The following SHROOM3 variants were observed in gnomAD, a reference collection of about 807,000 sequenced individuals.
The protein encoded by SHROOM3 is shroom family member 3.
A neutral mutation model predicts 138.6 loss-of-function variants in SHROOM3; 47 were observed. That is an observed-to-expected ratio of 0.34 (90% CI 0.27 to 0.43). The LOEUF is 0.43. SHROOM3 is among the 20% of genes least tolerant of loss of function. The probability of loss-of-function intolerance (pLI) is 1.00; values close to 1 mark genes in which losing one functional copy is unlikely to be tolerated. For synonymous variants in SHROOM3, 1,062 were observed against 1,063.3 expected, an observed-to-expected ratio of 1.00 and a Z score of 0.02; for missense variants, 2,491 against 2,596.5, an observed-to-expected ratio of 0.96 and a Z score of 0.88.
chr4:76,438,326 G>A (rs1730601328), intron 1 of SHROOM3, among the ~76,000 whole-genome samples: 1 of 152,180 alleles, frequency 6.6e-6, no homozygotes. Flanking sequence ...TCAGTAAGAA[G>A]CAGGGAAGAG....
At chr4:76,628,130 A>C (rs1191868960) in intron 2 of SHROOM3, among the ~76,000 whole-genome samples, 1 of 152,248 alleles carries the variant, frequency 6.6e-6, no homozygotes, top group Non-Finnish European at 1.5e-5. Flanking sequence ...AAAGAAACCT[A>C]GAAATGGCTT....
At chr4:76,534,342 A>G (rs1219127939) in intron 1 of SHROOM3, among the ~76,000 whole-genome samples, 5 of 152,230 alleles carry the variant, frequency 3.3e-5, no homozygotes, top group Non-Finnish European at 5.9e-5. Flanking sequence ...GAAACCCCCA[A>G]GTCCAAACAT....
rs1277096826 is a variant in SHROOM3, at chr4:76,676,802, A to G, written c.324-33354A>G. Among the ~76,000 whole-genome samples the G allele has an allele frequency of 2.0e-5, 3 of 152,038 alleles. No homozygotes were observed. In the East Asian group the frequency reaches 5.8e-4, roughly 29 times the overall value. ...ACTAAAAATACAAAAAATTAGCCGG[A>G]CATGATGGCCGGCGCCTGTAGTCCC... On this transcript the variant is annotated intron_variant, in intron 2 of 10. Coordinates refer to ENST00000296043, the MANE Select transcript of SHROOM3 (RefSeq NM_020859.4).
intron 2 of SHROOM3, among the ~76,000 whole-genome samples, chr4:76,682,848 A>T (rs1298281884): frequency 6.6e-6 from 1 of 152,242 alleles, no homozygotes; most frequent in Non-Finnish European, 1.5e-5. Context: ...AGAAAAGGGT[A>T]TAATGTGGTT....
intron 1 of SHROOM3, among the ~76,000 whole-genome samples, chr4:76,521,424 AAAT>A (rs1732563929): frequency 6.6e-6 from 1 of 152,224 alleles, no homozygotes; most frequent in Non-Finnish European, 1.5e-5. Context: ...GCTGGGACCT[AAAT>A]AAAACATCTT....
chr4:76,678,247 T>C (rs544005019), intron 2 of SHROOM3, among the ~76,000 whole-genome samples: 3 of 152,152 alleles, frequency 2.0e-5, no homozygotes, highest in African/African-American at 7.2e-5. Context: ...AATATTAAGG[T>C]TTACAAGTAA....
At chr4:76,667,179 G>C (rs1383780585) in intron 2 of SHROOM3, among the ~76,000 whole-genome samples, 1 of 152,138 alleles carries the variant, frequency 6.6e-6, no homozygotes, top group Non-Finnish European at 1.5e-5. Context: ...AAAGAGTTCT[G>C]AGTACAAGAG....
intron 2 of SHROOM3, among the ~76,000 whole-genome samples, chr4:76,705,456 C>T (rs1362663939): frequency 6.6e-6 from 1 of 152,208 alleles, no homozygotes; most frequent in Non-Finnish European, 1.5e-5. Context: ...AAGATTGTGC[C>T]ACTGCACTCC....
rs1168802686 is a variant in SHROOM3 at position 76,689,126 on chromosome 4, G to A, written c.324-21030G>A. Reference sequence around the variant, plus strand: ...TTTACAACGGGGGGAGGTTAATTAAGGCACCTTTCTGATTGAATGGGCAGA... The same window carrying A: ...TTTACAACGGGGGGAGGTTAATTAAAGCACCTTTCTGATTGAATGGGCAGA... On this transcript the variant is annotated intron_variant, in intron 2 of 10. Transcript: ENST00000296043. Among the ~76,000 whole-genome samples the A allele has an allele frequency of 3.3e-5, 5 of 152,178 alleles. No individual in the cohort carries two copies. In the East Asian group the frequency reaches 9.7e-4, roughly 29 times the overall value.
intron 1 of SHROOM3, among the ~76,000 whole-genome samples, chr4:76,537,078 A>G (rs1560537722): frequency 6.6e-6 from 1 of 152,136 alleles, no homozygotes; most frequent in Admixed American, 6.5e-5. Context: ...GCACCACTGT[A>G]CTCCAGCCTG....
At chr4:76,700,992 C>G (rs1322255745) in intron 2 of SHROOM3, among the ~76,000 whole-genome samples, 1 of 152,126 alleles carries the variant, frequency 6.6e-6, no homozygotes. Context: ...ACCATGTTGA[C>G]CAGGTTGGTC....
intron 6 of SHROOM3, among the ~76,000 whole-genome samples, chr4:76,749,433 T>C (rs1218966919): frequency 6.6e-6 from 1 of 152,254 alleles, no homozygotes; most frequent in Non-Finnish European, 1.5e-5. Context: ...GAACATGTGC[T>C]ACTGAGGACA....
chr4:76,541,063 G>A (rs896146686), intron 1 of SHROOM3, among the ~76,000 whole-genome samples: 4 of 152,170 alleles, frequency 2.6e-5, no homozygotes, highest in African/African-American at 7.2e-5. Flanking sequence ...CTCCACTGAT[G>A]TAGTTACTGA....
intron 2 of SHROOM3, among the ~76,000 whole-genome samples, chr4:76,620,070 CA>C (rs68039696): frequency 0.12 from 7,179 of 61,154 alleles, 140 homozygotes; most frequent in Non-Finnish European, 0.15. Flanking sequence ...GAATCTATCT[CA>C]AAAAAAAAAA....
chr4:76,593,311 G>C (rs4241596), intron 2 of SHROOM3, among the ~76,000 whole-genome samples: 88,017 of 152,026 alleles, frequency 0.58, 26,141 homozygotes, highest in East Asian at 0.85. Context: ...ACTAAAAGAA[G>C]CCCTTTGGGG....
At chr4:76,674,372 G>A (rs763169727) in intron 2 of SHROOM3, among the ~76,000 whole-genome samples, 2 of 151,930 alleles carry the variant, frequency 1.3e-5, no homozygotes, top group Non-Finnish European at 2.9e-5. Context: ...AGGTAGGTGA[G>A]ACAGGAACTC....
intron 4 of SHROOM3, 50 bp from the exon 5 acceptor site, chr4:76,738,711 T>C (rs1235308602): frequency 3.7e-6 from 6 of 1,602,718 alleles, no homozygotes; most frequent in Non-Finnish European, 5.1e-6. Flanking sequence ...CCTGTAAGCC[T>C]ACTAAATGAT....
In SHROOM3 at chr4:76,755,097, C is replaced by T; in HGVS notation, c.4614C>T (p.Thr1538=). 1 of 1,601,374 alleles carries T rather than the reference C, an allele frequency of 6.2e-7. No homozygotes were observed. Among genetic ancestry groups the T allele is most frequent in the Non-Finnish European group, 8.5e-7 (1 of 1,172,094 alleles). Residue 1538 remains threonine (T), a synonymous_variant, in exon 7 of 11, where the codon ACC becomes ACT. Coordinates refer to ENST00000296043, the MANE Select transcript of SHROOM3 (RefSeq NM_020859.4). ...CACCTCCTCCACCGAGTCAGGAAAC[C>T]CCGGTGTATAGCATGGATGACTTCC... ...PPPPPPPSQE[T]PVYSMDDFPP...
chr4:76,531,907 CT>C (rs11310701), intron 1 of SHROOM3, among the ~76,000 whole-genome samples: 88,621 of 143,612 alleles, frequency 0.62, 27,237 homozygotes, highest in African/African-American at 0.72. Flanking sequence ...CCAAGTTGCT[CT>C]TTTTTTTTTT....
Sources: gnomAD v4.1 joint callset for allele counts (sites outside exome capture counted in the v4.1 genomes callset) on GRCh38, gnomAD v4.1.1 for gene constraint, MANE v1.5 for transcripts, NCBI Gene and HGNC (gene_info 2026-07-23, HGNC 2026-07-21) for gene names.